Variants in SHTN1 observed in about 807,000 individuals in gnomAD.
SHTN1 encodes shootin-1.
A neutral mutation model predicts 83.1 loss-of-function variants in SHTN1; 42 were observed. The observed-to-expected ratio is 0.51, with a 90% CI of 0.39 to 0.65. The LOEUF (loss-of-function observed/expected upper bound fraction) is 0.65. Among genes scored for constraint, SHTN1 ranks in the 30% least tolerant of loss-of-function variants. The pLI is 0.00. For missense variants in SHTN1, 622 were observed against 737.8 expected, an observed-to-expected ratio of 0.84 and a Z score of 1.82; for synonymous variants, 224 against 247.7, an observed-to-expected ratio of 0.90 and a Z score of 0.90.
chr10:116,916,934 T>C (rs575698828), intron 12 of SHTN1, among the ~76,000 whole-genome samples: 17 of 152,310 alleles, frequency 1.1e-4, no homozygotes, highest in Admixed American at 6.5e-4. Context: ...GATCCAGAAG[T>C]CAAAACAAGT....
At chr10:117,020,034 A>G (rs1388439756) in intron 2 of SHTN1, among the ~76,000 whole-genome samples, 2 of 152,166 alleles carry the variant, frequency 1.3e-5, no homozygotes, top group Non-Finnish European at 2.9e-5. Context: ...AAAATAAAAA[A>G]TTGGTTCTAA....
chr10:116,920,906 C>G (rs1207758234), intron 12 of SHTN1, among the ~76,000 whole-genome samples: 1 of 152,184 alleles, frequency 6.6e-6, no homozygotes, highest in Non-Finnish European at 1.5e-5. Context: ...AACTACTCAG[C>G]TTGAACATCA....
intron 1 of SHTN1, among the ~76,000 whole-genome samples, chr10:116,996,224 A>T (rs1405877285): frequency 6.6e-6 from 1 of 152,172 alleles, no homozygotes; most frequent in Non-Finnish European, 1.5e-5. Context: ...ACTAGATTCT[A>T]GCCCTGTTCA....
intron 14 of SHTN1, among the ~76,000 whole-genome samples, chr10:116,909,867 C>A (rs1848121481): frequency 6.6e-6 from 1 of 152,144 alleles, no homozygotes; most frequent in Admixed American, 6.5e-5. Context: ...TAGAACCGAA[C>A]ACAGTGTTTT....
At chr10:116,886,598 A>G (rs1302254073) in intron 16 of SHTN1, 32 bp from the exon 17 acceptor site, 3 of 1,610,318 alleles carry the variant, frequency 1.9e-6, no homozygotes, top group African/African-American at 2.7e-5. Context: ...AAAAAAAGTA[A>G]AAAGCAGAGA....
At chr10:117,101,135 G>C (rs1456934342) in intron 1 of SHTN1, among the ~76,000 whole-genome samples, 14 of 152,096 alleles carry the variant, frequency 9.2e-5, no homozygotes, top group Admixed American at 2.0e-4. Flanking sequence ...GTTGAAATAG[G>C]GAAGTTCCAT....
In SHTN1 at chr10:116,906,766, A is replaced by G. The variant is rs1180219360; in HGVS notation, c.1360-19T>C. ...GTGTCCCCTAAAGTGAAAACAAAAC[A>G]AAAACAAAAAGGTTAATGTCTTAAT... On this transcript the variant is annotated intron_variant, in intron 14 of 16. Transcript: ENST00000355371. 3.1e-6 allele frequency: 5 copies of G among 1,596,266 alleles called. No homozygotes were observed. In the Admixed American group the frequency reaches 5.3e-5, roughly 17 times the overall value.
intron 1 of SHTN1, among the ~76,000 whole-genome samples, chr10:117,108,691 GAACTTA>G (rs1463134871): frequency 6.6e-6 from 1 of 151,220 alleles, no homozygotes; most frequent in East Asian, 2.0e-4. Flanking sequence ...ATGTACCCTA[GAACTTA>G]AAGTATAATA....
chr10:116,883,472 A>G lies in SHTN1; in HGVS notation c.*2872T>C, dbSNP rs1358172763. The G allele has an allele frequency of 1.3e-5, 2 of 152,218 alleles. No individual in the cohort carries two copies. Among genetic ancestry groups the G allele is most frequent in the African/African-American group, 4.8e-5 (2 of 41,460 alleles). The allele number at this position is 152,218 out of a possible 1,614,324, so 9.4% of individuals were successfully genotyped here. On this transcript the variant is annotated 3_prime_UTR_variant, in exon 17 of 17. Coordinates refer to ENST00000355371, the MANE Select transcript of SHTN1 (RefSeq NM_001127211.3). The stretch of plus-strand genomic sequence containing the variant: ...CTTTGAAGGTCAGTGATAATGACAG[A>G]TGGTTATCCATTCTCGACAACTTAC...
At chr10:116,904,335 T>C (rs1314547737) in intron 15 of SHTN1, among the ~76,000 whole-genome samples, 1 of 152,198 alleles carries the variant, frequency 6.6e-6, no homozygotes, top group African/African-American at 2.4e-5. Flanking sequence ...ATTCACATGG[T>C]AAAAGCCACC....
chr10:117,072,827 C>A (rs779242190), intron 1 of SHTN1, among the ~76,000 whole-genome samples: 1 of 152,146 alleles, frequency 6.6e-6, no homozygotes, highest in Non-Finnish European at 1.5e-5. Flanking sequence ...AAAAATCACA[C>A]TAGCTCACGA....
chr10:117,094,060 G>C (rs1010377573), intron 1 of SHTN1, among the ~76,000 whole-genome samples: 1 of 152,154 alleles, frequency 6.6e-6, no homozygotes, highest in East Asian at 1.9e-4. Flanking sequence ...TGACTCAGAA[G>C]CATCACAGAC....
At chr10:116,915,346 A>G (rs1399596155) in intron 13 of SHTN1, 29 bp downstream of exon 13, 9 of 1,146,618 alleles carry the variant, frequency 7.8e-6, no homozygotes, top group South Asian at 7.8e-5. Context: ...AATATCAAAC[A>G]GGGAAAAAAG....
chr10:117,112,120 C>A (rs968057620), intron 1 of SHTN1, among the ~76,000 whole-genome samples: 6 of 152,164 alleles, frequency 3.9e-5, no homozygotes, highest in African/African-American at 1.4e-4. Flanking sequence ...CACACGCCAC[C>A]ATGCCCGGCT....
At chr10:117,123,610 T>C (rs1448173790) in intron 1 of SHTN1, among the ~76,000 whole-genome samples, 2 of 152,078 alleles carry the variant, frequency 1.3e-5, no homozygotes, top group African/African-American at 2.4e-5. Context: ...AGAGTACTCT[T>C]AAAAGGATTG....
chr10:116,981,085 G>A (rs1465520032), intron 1 of SHTN1, among the ~76,000 whole-genome samples: 2 of 152,096 alleles, frequency 1.3e-5, no homozygotes, highest in Non-Finnish European at 2.9e-5. Context: ...TTGGTAGGCC[G>A]AGGTGGGCAG....
Position 116,903,596 on chromosome 10 carries a change from G to A in SHTN1, c.1481-1639C>T, listed in dbSNP as rs560144781. Among the ~76,000 whole-genome samples, 140 of 152,168 alleles carry A rather than the reference G, an allele frequency of 9.2e-4. 1 individual carries two copies. The highest frequency in any genetic ancestry group is 4.0e-4 in the Non-Finnish European group (27 of 68,004). ...TGTTGCATGGAGCTGTGGCAGTTAC[G>A]ACAGAAGGGCAGAACAGAAAGATCA... On this transcript the variant is annotated intron_variant, in intron 15 of 16. Transcript: ENST00000355371.
At chr10:117,044,375 C>T (rs1852631029) in intron 2 of SHTN1, among the ~76,000 whole-genome samples, 1 of 151,938 alleles carries the variant, frequency 6.6e-6, no homozygotes, top group East Asian at 1.9e-4. Flanking sequence ...TATGTATGTA[C>T]ATTACTTACA....
Position 116,888,745 on chromosome 10 carries a change from T to G in SHTN1, c.1674-2179A>C, listed in dbSNP as rs745471182. Among the ~76,000 whole-genome samples, 3 of 152,270 alleles carry G rather than the reference T, an allele frequency of 2.0e-5. No individual in the cohort carries two copies. The South Asian group carries it at 6.2e-4, about 32-fold the overall frequency. On this transcript the variant is annotated intron_variant, in intron 16 of 16. Transcript: ENST00000355371. ...GTGAGTCAGCACATCAGGAATGTCA[T>G]GCACAAGCTATAACAGAGCCTGCCC... is the stretch of plus-strand genomic sequence containing the variant.
Sources: gnomAD v4.1 joint callset for allele counts (sites outside exome capture counted in the v4.1 genomes callset) on GRCh38, gnomAD v4.1.1 for gene constraint, MANE v1.5 for transcripts, NCBI Gene and HGNC (gene_info 2026-07-23, HGNC 2026-07-21) for gene names.